RFX4: variants seen among roughly 807,000 people sequenced by gnomAD.
RFX4 encodes regulatory factor X4.
In RFX4, 10 loss-of-function variants were observed where a neutral mutation model predicts 95.0. The ratio of observed to expected loss-of-function variants is 0.11; its 90% CI spans 0.06 to 0.18. The LOEUF is 0.18. Ranked by LOEUF, RFX4 falls within the 10% of genes least tolerant of loss-of-function variation. The pLI is 1.00. For missense variants in RFX4, 640 were observed against 922.0 expected (o/e 0.69, Z 3.96); for synonymous variants, 321 against 340.7 (o/e 0.94, Z 0.64).
chr12:106,625,218 T>TA (rs2137246648), intron 2 of RFX4, among the ~76,000 whole-genome samples: 1 of 152,356 alleles, frequency 6.6e-6, no homozygotes. Flanking sequence ...GGTCTTCTGA[T>TA]ATCTGTCAAA....
At chr12:106,620,696 C>T (rs564638051) in intron 2 of RFX4, among the ~76,000 whole-genome samples, 52 of 152,048 alleles carry the variant, frequency 3.4e-4, no homozygotes, top group African/African-American at 1.2e-3. Context: ...AGCAGAGAAC[C>T]GATCTGACCA....
At position 106,583,233 on chromosome 12, in the gene RFX4, C is replaced by CCAACCAAA; in HGVS notation, c.-87_-86insAACCAAAC. 9.1e-7 allele frequency: 1 copy of CCAACCAAA among 1,093,486 alleles called. No homozygotes were observed. Among genetic ancestry groups the CCAACCAAA allele is most frequent in the Non-Finnish European group, 1.3e-6 (1 of 771,732 alleles). The allele number at this position is 1,093,486 out of a possible 1,614,324, so 67.7% of individuals were successfully genotyped here. On this transcript the variant is annotated 5_prime_UTR_variant, in exon 1 of 18. Transcript: ENST00000392842. ...CTCTCTCTCCCCTTCTCCCTCCCTC[C>CCAACCAAA]CTCCCTTCCTCCCTGGGCATCTCTA... is the stretch of plus-strand genomic sequence containing the variant.
Position 106,761,496 on chromosome 12 carries a change from T to C in RFX4, c.*27T>C. 1 of 1,365,468 alleles carries C rather than the reference T, an allele frequency of 7.3e-7. No individual in the cohort carries two copies. The highest frequency in any genetic ancestry group is 2.7e-5 in the Admixed American group (1 of 36,708). The allele number at this position is 1,365,468 out of a possible 1,614,324, so 84.6% of individuals were successfully genotyped here. On this transcript the variant is annotated 3_prime_UTR_variant, in exon 18 of 18. Transcript: ENST00000392842. ...TGCTATCATAGGCATCCATATTTAA[T>C]ATTAATAATAATAATTAATAATAAT... is the stretch of plus-strand genomic sequence containing the variant.
chr12:106,731,323 G>A (rs1274565420), intron 13 of RFX4, among the ~76,000 whole-genome samples: 1 of 152,122 alleles, frequency 6.6e-6, no homozygotes, highest in African/African-American at 2.4e-5. Context: ...TCTATTAATC[G>A]TGTCATCTTG....
intron 17 of RFX4, among the ~76,000 whole-genome samples, chr12:106,757,976 C>T (rs2043139893): frequency 6.6e-6 from 1 of 152,232 alleles, no homozygotes; most frequent in South Asian, 2.1e-4. Context: ...TCATACACTC[C>T]TTTCAAGGGA....
intron 1 of RFX4, among the ~76,000 whole-genome samples, chr12:106,603,011 C>T (rs973862148): frequency 4.3e-4 from 65 of 152,160 alleles, no homozygotes; most frequent in Non-Finnish European, 7.6e-4. Flanking sequence ...CAGAGATATC[C>T]TGTGTAATAT....
intron 15 of RFX4, among the ~76,000 whole-genome samples, chr12:106,733,807 C>T (rs2042658442): frequency 6.6e-6 from 1 of 152,152 alleles, no homozygotes; most frequent in Non-Finnish European, 1.5e-5. Context: ...AATTTACAAC[C>T]AAGAATTACC....
intron 15 of RFX4, among the ~76,000 whole-genome samples, chr12:106,739,911 A>G (rs1273347871): frequency 1.3e-5 from 2 of 152,212 alleles, no homozygotes; most frequent in East Asian, 3.8e-4. Flanking sequence ...GGCAGTGCCA[A>G]ACTGATCAGT....
chr12:106,601,960 C>T (rs1378385028), intron 1 of RFX4, among the ~76,000 whole-genome samples: 1 of 152,176 alleles, frequency 6.6e-6, no homozygotes, highest in Non-Finnish European at 1.5e-5. Context: ...GTGAAGCAGC[C>T]AGGCTTTCCT....
At chr12:106,702,437 T>A (rs2042009679) in intron 8 of RFX4, among the ~76,000 whole-genome samples, 1 of 152,200 alleles carries the variant, frequency 6.6e-6, no homozygotes, top group African/African-American at 2.4e-5. Flanking sequence ...TCTGGGGTAC[T>A]TTGTGCTTAA....
intron 1 of RFX4, among the ~76,000 whole-genome samples, chr12:106,597,472 G>A (rs142623299): frequency 2.2e-4 from 34 of 152,286 alleles, no homozygotes; most frequent in Admixed American, 1.2e-3. Context: ...TGATACATTC[G>A]CTAAGACATA....
In RFX4 at chr12:106,720,622, G is replaced by A. The variant is rs1592979768; in HGVS notation, c.1234-137G>A. On this transcript the variant is annotated intron_variant, in intron 12 of 17. Coordinates refer to ENST00000392842, the MANE Select transcript of RFX4 (RefSeq NM_213594.3). The surrounding 1 kb of genome is among the most constrained non-coding windows in gnomAD (Gnocchi z 4.2). The stretch of plus-strand genomic sequence containing the variant: ...TGGTCTCAAACTCCTAGGCTCATGC[G>A]ATCATCCGCCCACCTTGGCCTCCCA... The A allele has an allele frequency of 2.6e-6, 2 of 756,144 alleles. No individual in the cohort carries two copies. Among genetic ancestry groups the A allele is most frequent in the East Asian group, 2.6e-5 (1 of 38,500 alleles). 46.8% of individuals were successfully genotyped at this position (756,144 alleles called of 1,614,324 possible).
intron 1 of RFX4, among the ~76,000 whole-genome samples, chr12:106,607,482 CACA>C (rs2039860978): frequency 7.0e-6 from 1 of 143,864 alleles, no homozygotes; most frequent in African/African-American, 2.6e-5. Context: ...TGACTCATAA[CACA>C]ACGTGGACCG....
At chr12:106,583,478 C>A in intron 1 of RFX4, 115 bp downstream of exon 1, 1 of 967,222 alleles carries the variant, frequency 1.0e-6, no homozygotes, top group South Asian at 2.0e-5. Context: ...CAGTGGAACC[C>A]CAAAGAATAA....
chr12:106,726,973 T>C (rs1462362909), intron 13 of RFX4, among the ~76,000 whole-genome samples: 2 of 152,120 alleles, frequency 1.3e-5, no homozygotes, highest in Non-Finnish European at 2.9e-5. Flanking sequence ...GGTTTCACCA[T>C]GTTGGCCAGG....
At chr12:106,760,900 G>A (rs1208154075) in intron 17 of RFX4, among the ~76,000 whole-genome samples, 1 of 152,060 alleles carries the variant, frequency 6.6e-6, no homozygotes, top group Non-Finnish European at 1.5e-5. Flanking sequence ...TATTCCTGGT[G>A]TGGCTGTTTC....
intron 1 of RFX4, among the ~76,000 whole-genome samples, chr12:106,594,540 T>G (rs1365219538): frequency 6.6e-6 from 1 of 152,214 alleles, no homozygotes; most frequent in African/African-American, 2.4e-5. Flanking sequence ...TTCCTCTGGG[T>G]GCCCAGGCTG....
intron 17 of RFX4, among the ~76,000 whole-genome samples, 160 bp downstream of exon 17, chr12:106,750,953 T>C (rs923785729): frequency 7.2e-5 from 11 of 152,128 alleles, no homozygotes; most frequent in Admixed American, 1.3e-4. Context: ...TTTATTATTA[T>C]ACTTTAAGTT....
intron 8 of RFX4, among the ~76,000 whole-genome samples, chr12:106,708,496 G>A (rs182380879): frequency 6.6e-6 from 1 of 152,150 alleles, no homozygotes; most frequent in South Asian, 2.1e-4. Flanking sequence ...GGGTTGCCCA[G>A]TGGGGTGGAG....
Sources: gnomAD v4.1 joint callset for allele counts (sites outside exome capture counted in the v4.1 genomes callset) on GRCh38, gnomAD v4.1.1 for gene constraint, Gnocchi (gnomAD v3.1) non-coding constraint, MANE v1.5 for transcripts, NCBI Gene and HGNC (gene_info 2026-07-23, HGNC 2026-07-21) for gene names.